Variants in CTNNA2 observed in about 807,000 individuals in gnomAD.
CTNNA2 encodes catenin alpha 2.
Under a neutral mutation model 101.0 loss-of-function variants are expected in CTNNA2, and 42 were observed. That is an observed-to-expected ratio of 0.42 (90% CI 0.32 to 0.54). The LOEUF (loss-of-function observed/expected upper bound fraction) is 0.54, where lower values mean the gene tolerates loss of function less well. Among genes scored for constraint, CTNNA2 ranks in the 20% least tolerant of loss-of-function variants. CTNNA2 has a pLI of 0.14. For missense variants in CTNNA2, 871 were observed against 1,223.1 expected, an observed-to-expected ratio of 0.71 and a Z score of 4.29; for synonymous variants, 450 against 456.4, an observed-to-expected ratio of 0.99 and a Z score of 0.18.
chr2:79,320,711 A>T (rs1676601147), intron 3 of CTNNA2, among the ~76,000 whole-genome samples: 1 of 152,132 alleles, frequency 6.6e-6, no homozygotes, highest in Non-Finnish European at 1.5e-5. Flanking sequence ...GTGAGCATGG[A>T]TCAGAATCTA....
At position 80,127,264 on chromosome 2, in the gene CTNNA2, C is replaced by T. The variant is rs115290548; in HGVS notation, c.1056+217467C>T. ...TTTTGTTTTGTATAGGACCTGCAAACAATAGATTGTTAAATTTTAGCTGCA... is the reference window on the plus strand; with the variant it reads ...TTTTGTTTTGTATAGGACCTGCAAATAATAGATTGTTAAATTTTAGCTGCA... On this transcript the variant is annotated intron_variant, in intron 7 of 18. Coordinates refer to ENST00000402739, the MANE Select transcript of CTNNA2 (RefSeq NM_001282597.3). Among the ~76,000 whole-genome samples the T allele has an allele frequency of 5.5e-3, 841 of 152,156 alleles. 11 individuals are homozygous for T. Among genetic ancestry groups the T allele is most frequent in the African/African-American group, 0.019 (805 of 41,510 alleles).
intron 7 of CTNNA2, among the ~76,000 whole-genome samples, chr2:80,210,933 T>C (rs1025974077): frequency 2.0e-5 from 3 of 152,200 alleles, no homozygotes. Context: ...TGGTATCTCA[T>C]TGTGGTTTTG....
intron 3 of CTNNA2, among the ~76,000 whole-genome samples, chr2:79,800,295 T>C (rs1676054479): frequency 6.6e-6 from 1 of 152,174 alleles, no homozygotes; most frequent in South Asian, 2.1e-4. Flanking sequence ...CTGCTTTTGG[T>C]GCAAAACGCT....
At chr2:79,986,820 T>G (rs1691796731) in intron 7 of CTNNA2, among the ~76,000 whole-genome samples, 2 of 152,060 alleles carry the variant, frequency 1.3e-5, no homozygotes, top group Admixed American at 1.3e-4. Flanking sequence ...ACATGAAGAG[T>G]AGCCCAAACT....
chr2:79,874,632 C>A (rs1198033933), intron 6 of CTNNA2, among the ~76,000 whole-genome samples: 2 of 152,148 alleles, frequency 1.3e-5, no homozygotes, highest in African/African-American at 4.8e-5. Flanking sequence ...CATGGAGAAA[C>A]CCCGTCTCTA....
At chr2:79,198,287 A>G (rs1025916859) in intron 2 of CTNNA2, among the ~76,000 whole-genome samples, 2 of 152,218 alleles carry the variant, frequency 1.3e-5, no homozygotes, top group African/African-American at 2.4e-5. Flanking sequence ...GTAAAAATAC[A>G]TTTTCCTTTG....
chr2:80,131,490 A>T (rs1011691774), intron 7 of CTNNA2, among the ~76,000 whole-genome samples: 1 of 152,236 alleles, frequency 6.6e-6, no homozygotes, highest in African/African-American at 2.4e-5. Flanking sequence ...ACGGTATAAA[A>T]TTCTATCTAT....
At chr2:80,403,527 G>A (rs1252896694) in intron 8 of CTNNA2, among the ~76,000 whole-genome samples, 3 of 152,196 alleles carry the variant, frequency 2.0e-5, no homozygotes, top group African/African-American at 7.2e-5. Flanking sequence ...GTACTTTAGA[G>A]AAAATGGAGA....
intron 2 of CTNNA2, among the ~76,000 whole-genome samples, chr2:79,279,633 A>G (rs1348446383): frequency 6.6e-6 from 1 of 152,058 alleles, no homozygotes; most frequent in Non-Finnish European, 1.5e-5. Flanking sequence ...GGAAAATTAG[A>G]CAGAATGCAT....
At chr2:79,858,496 G>A (rs138231234) in intron 4 of CTNNA2, among the ~76,000 whole-genome samples, 112 of 152,240 alleles carry the variant, frequency 7.4e-4, no homozygotes, top group Middle Eastern at 3.4e-3. Context: ...ACCTGCCTTT[G>A]TTCTATCTCA....
intron 3 of CTNNA2, among the ~76,000 whole-genome samples, chr2:79,791,531 T>C (rs1553468842): frequency 6.6e-6 from 1 of 152,246 alleles, no homozygotes; most frequent in Non-Finnish European, 1.5e-5. Flanking sequence ...TAAGCCTCTG[T>C]GCATAGTTGC....
At chr2:79,759,140 CTG>C (rs939459518) in intron 3 of CTNNA2, among the ~76,000 whole-genome samples, 16 of 152,124 alleles carry the variant, frequency 1.1e-4, no homozygotes, top group African/African-American at 3.9e-4. Flanking sequence ...ATGCTTGACA[CTG>C]TATGCCTACT....
At chr2:79,194,681 G>A (rs183024560) in intron 1 of CTNNA2, among the ~76,000 whole-genome samples, 58 of 152,296 alleles carry the variant, frequency 3.8e-4, no homozygotes, top group Non-Finnish European at 7.2e-4. Flanking sequence ...ATGTGGCAAA[G>A]GTAAAACTCC....
chr2:80,039,967 C>T (rs1340313970), intron 7 of CTNNA2, among the ~76,000 whole-genome samples: 1 of 152,126 alleles, frequency 6.6e-6, no homozygotes, highest in Admixed American at 6.5e-5. Context: ...TCTTAAAGTA[C>T]TATATGTTGA....
intron 2 of CTNNA2, among the ~76,000 whole-genome samples, chr2:79,699,811 A>G (rs1684877918): frequency 6.8e-6 from 1 of 147,236 alleles, no homozygotes; most frequent in Admixed American, 6.8e-5. Flanking sequence ...ACACACACAC[A>G]CACACACACA....
chr2:79,930,843 A>C (rs770623679), intron 7 of CTNNA2, among the ~76,000 whole-genome samples: 1 of 152,178 alleles, frequency 6.6e-6, no homozygotes, highest in Non-Finnish European at 1.5e-5. Context: ...AGGTACAGTT[A>C]GGCAGGTCTT....
chr2:79,253,126 CA>C (rs1190804888), intron 2 of CTNNA2, among the ~76,000 whole-genome samples: 1 of 152,154 alleles, frequency 6.6e-6, no homozygotes, highest in Non-Finnish European at 1.5e-5. Context: ...AATCTGTGAA[CA>C]AAGGTGGCTA....
intron 7 of CTNNA2, among the ~76,000 whole-genome samples, chr2:80,139,539 T>C (rs1031929744): frequency 2.0e-5 from 3 of 152,282 alleles, no homozygotes; most frequent in East Asian, 1.9e-4. Context: ...CACCCCCTCT[T>C]ATGTATGTGT....
chr2:80,640,840 A>C (rs2149854731), intron 18 of CTNNA2, among the ~76,000 whole-genome samples: 1 of 141,858 alleles, frequency 7.0e-6, no homozygotes, highest in Admixed American at 7.2e-5. Context: ...ATAAATGACC[A>C]GCTCCAGTGG....
Sources: gnomAD v4.1 joint callset for allele counts (sites outside exome capture counted in the v4.1 genomes callset) on GRCh38, gnomAD v4.1.1 for gene constraint, MANE v1.5 for transcripts, NCBI Gene and HGNC (gene_info 2026-07-23, HGNC 2026-07-21) for gene names.